The following P3H1 variants were observed in gnomAD, a reference collection of about 807,000 sequenced individuals.
The protein encoded by P3H1 is prolyl 3-hydroxylase 1.
A neutral mutation model predicts 84.0 loss-of-function variants in P3H1; 69 were observed. The observed-to-expected ratio is 0.82, with a 90% CI of 0.68 to 1.00. The LOEUF is 1.00. P3H1 is among the 50% of genes least tolerant of loss of function. The pLI is 0.00. For synonymous variants in P3H1, 366 were observed against 388.8 expected (o/e 0.94, Z 0.69); for missense variants, 878 against 962.8 (o/e 0.91, Z 1.17).
intron 13 of P3H1, 31 bp downstream of exon 13, chr1:42,747,692 C>A (rs183611432): frequency 3.7e-6 from 6 of 1,610,924 alleles, no homozygotes; most frequent in East Asian, 2.2e-5. Flanking sequence ...GACTTTTTAT[C>A]TCCCAGGGAC....
intron 1 of P3H1, among the ~76,000 whole-genome samples, chr1:42,763,495 A>AT (rs1229280155): frequency 6.6e-6 from 1 of 151,436 alleles, no homozygotes; most frequent in Non-Finnish European, 1.5e-5. Context: ...AACATGGTGA[A>AT]ACCCCGTCTC....
chr1:42,748,917 T>G (rs1290250622), intron 11 of P3H1, among the ~76,000 whole-genome samples: 1 of 152,234 alleles, frequency 6.6e-6, no homozygotes, highest in East Asian at 1.9e-4. Context: ...CGTCACGTCG[T>G]GGTGGGTGCC....
At position 42,748,435 on chromosome 1, in the gene P3H1, T is replaced by TAGG. The variant is rs1651855830; in HGVS notation, c.1721-121_1721-119dup. 38 of 810,910 alleles carry TAGG rather than the reference T, an allele frequency of 4.7e-5. No homozygotes were observed. The South Asian group carries it at 5.0e-4, about 11-fold the overall frequency. The allele number at this position is 810,910 out of a possible 1,614,324, so 50.2% of individuals were successfully genotyped here. ...TGAGTCTACGGAATGCCCAATGAAC[T>TAGG]AGGGGGGTGTCTTTGGCTAAGCCAC... On this transcript the variant is annotated intron_variant, in intron 11 of 14. Transcript: ENST00000296388.
Position 42,746,746 on chromosome 1 carries a change from G to A in P3H1, c.2162C>T (p.Ala721Val). The A allele has an allele frequency of 2.6e-6, 4 of 1,553,096 alleles. No individual in the cohort carries two copies. The highest frequency in any genetic ancestry group is 3.5e-6 in the Non-Finnish European group (4 of 1,147,740). Residue 721 changes from alanine (A) to valine (V), a missense_variant, in exon 15 of 15, where the codon GCA becomes GTA. Coordinates refer to ENST00000296388, the MANE Select transcript of P3H1 (RefSeq NM_022356.4). ...TTCACTGCCTGAGAGAGACTCTTGT[G>A]CAGGTTCGGGGGGGCCCTGCTGGGC... is the stretch of plus-strand genomic sequence containing the variant. Reference protein sequence around the residue: ...LDAQQGPPEPAQESLSGSESK... With the variant: ...LDAQQGPPEPVQESLSGSESK...
intron 11 of P3H1, chr1:42,749,837 G>C (rs1651931909): frequency 1.1e-5 from 3 of 265,474 alleles, no homozygotes; most frequent in Non-Finnish European, 2.2e-5. Flanking sequence ...ATGGCAGCGA[G>C]GGAGCTGCTC....
rs1380682674 is a variant in P3H1, at chr1:42,754,267, G to A, written c.1345+602C>T. Among the ~76,000 whole-genome samples, 5 of 152,252 alleles carry A rather than the reference G, an allele frequency of 3.3e-5. No homozygotes were observed. The East Asian group carries it at 5.8e-4, about 18-fold the overall frequency. ...AAGGAAGCCTGAGGCAATGAAAAACGGAAAAGGCTGGGGAGAGAGCTGAGA... is the reference window on the plus strand; with the variant it reads ...AAGGAAGCCTGAGGCAATGAAAAACAGAAAAGGCTGGGGAGAGAGCTGAGA... On this transcript the variant is annotated intron_variant, in intron 8 of 14. Transcript: ENST00000296388. This position sits in a 1 kb window ranked among gnomAD's most constrained non-coding sequence, Gnocchi z 4.0.
At chr1:42,748,594 T>C (rs1651861901) in intron 11 of P3H1, 2 of 457,482 alleles carry the variant, frequency 4.4e-6, no homozygotes, top group South Asian at 4.1e-5. Flanking sequence ...CCCTGGTTTG[T>C]AGCTGGACTT....
At position 42,758,832 on chromosome 1, in the gene P3H1, G is replaced by C; in HGVS notation, c.940+20C>G. 6.2e-7 allele frequency: 1 copy of C among 1,613,922 alleles called. No individual in the cohort carries two copies. Among genetic ancestry groups the C allele is most frequent in the Non-Finnish European group, 8.5e-7 (1 of 1,179,820 alleles). Reference sequence around the variant, plus strand: ...TTCTTAGTTAGCCAGCAGAGAAAGAGGAAGGAAAGTAGGCCTTACTGTTAT... The same window carrying C: ...TTCTTAGTTAGCCAGCAGAGAAAGACGAAGGAAAGTAGGCCTTACTGTTAT... On this transcript the variant is annotated intron_variant, in intron 4 of 14. Transcript: ENST00000296388.
At chr1:42,749,051 G>A (rs1026690604) in intron 11 of P3H1, among the ~76,000 whole-genome samples, 3 of 152,232 alleles carry the variant, frequency 2.0e-5, no homozygotes, top group African/African-American at 7.2e-5. Flanking sequence ...CTTTGCCCTT[G>A]TCCACAGAGG....
intron 12 of P3H1, 114 bp downstream of exon 12, chr1:42,748,086 A>C: frequency 1.3e-6 from 1 of 787,152 alleles, no homozygotes. Flanking sequence ...GACTCTGGGA[A>C]CAGCTAGCCC....
intron 14 of P3H1, 134 bp downstream of exon 14, chr1:42,747,138 C>A (rs1464742108): frequency 1.2e-6 from 2 of 1,614,072 alleles, no homozygotes; most frequent in Non-Finnish European, 1.7e-6. Context: ...GGCGTTGGAG[C>A]TGGTGTCCCA....
chr1:42,756,255 A>C (rs1652397622), intron 5 of P3H1: 2 of 158,896 alleles, frequency 1.3e-5, no homozygotes, highest in South Asian at 3.6e-4. Context: ...CCGGGTCTTT[A>C]CAGTCCTAAA....
At position 42,746,869 on chromosome 1, in the gene P3H1, C is replaced by T. The variant is rs1557558203; in HGVS notation, c.2056-17G>A. On this transcript the variant is annotated splice_polypyrimidine_tract_variant and intron_variant, in intron 14 of 14. Coordinates refer to ENST00000296388, the MANE Select transcript of P3H1 (RefSeq NM_022356.4). ...CACCCTGTCCTGCAAGGACAAACCC[C>T]TGCCCATTCAGAGAGGCCTCCGCTC... is the stretch of plus-strand genomic sequence containing the variant. 6.2e-7 allele frequency: 1 copy of T among 1,614,186 alleles called. No individual in the cohort carries two copies. Among genetic ancestry groups the T allele is most frequent in the East Asian group, 2.2e-5 (1 of 44,882 alleles).
rs1483515684 is a variant in P3H1, at chr1:42,755,534, G to C, written c.1170+14C>G. On this transcript the variant is annotated intron_variant, in intron 6 of 14. Transcript: ENST00000296388. ...CTTTCCCCGCTCCCTTCCGGCTCCT[G>C]TACCCTAGCTCACCGGATCCACAAA... The C allele has an allele frequency of 1.2e-6, 2 of 1,605,796 alleles. No homozygotes were observed. The highest frequency in any genetic ancestry group is 1.1e-5 in the South Asian group (1 of 90,942).
intron 5 of P3H1, 23 bp downstream of exon 5, chr1:42,757,760 C>T: frequency 1.2e-6 from 2 of 1,614,210 alleles, no homozygotes; most frequent in Admixed American, 3.3e-5. Context: ...TGGCAGCTGT[C>T]ATAACAGAAG....
intron 2 of P3H1, chr1:42,762,058 G>GTTA: frequency 2.3e-6 from 1 of 435,518 alleles, no homozygotes; most frequent in Non-Finnish European, 4.2e-6. Flanking sequence ...TTTCTACAAT[G>GTTA]TTATACAATG....
intron 1 of P3H1, among the ~76,000 whole-genome samples, chr1:42,763,712 G>C (rs1232495328): frequency 1.3e-5 from 2 of 150,982 alleles, no homozygotes; most frequent in Admixed American, 1.3e-4. Flanking sequence ...AAATCCAAGG[G>C]GGGAGAAATA....
chr1:42,752,767 T>C, intron 8 of P3H1, 103 bp from the exon 9 acceptor site: 1 of 1,450,654 alleles, frequency 6.9e-7, no homozygotes, highest in South Asian at 1.2e-5. Flanking sequence ...TCCAGCTGTT[T>C]CCTTTTCACC....
At chr1:42,765,989 G>C (rs912487547) in intron 1 of P3H1, among the ~76,000 whole-genome samples, 8 of 143,404 alleles carry the variant, frequency 5.6e-5, no homozygotes, top group African/African-American at 2.1e-4. Flanking sequence ...TTGTAAACCT[G>C]GCAGACTAGC....
Sources: allele counts gnomAD v4.1 joint callset (sites outside exome capture counted in the v4.1 genomes callset), GRCh38; gene constraint gnomAD v4.1.1; non-coding constraint Gnocchi (gnomAD v3.1); transcripts MANE v1.5; gene names NCBI Gene and HGNC (gene_info 2026-07-23, HGNC 2026-07-21).